CFAP299: variants seen among roughly 807,000 people sequenced by gnomAD.
The protein encoded by CFAP299 is cilia and flagella associated protein 299.
A neutral mutation model predicts 27.0 loss-of-function variants in CFAP299; 21 were observed. The ratio of observed to expected loss-of-function variants is 0.78; its 90% CI spans 0.55 to 1.12. The LOEUF is 1.12. Ranked by LOEUF, CFAP299 falls within the 50% of genes most tolerant of loss-of-function variation. The pLI, the probability that CFAP299 is intolerant of heterozygous loss-of-function variation, is 0.00. For synonymous variants in CFAP299, 104 were observed against 98.1 expected (o/e 1.06, Z -0.36); for missense variants, 310 against 276.6 (o/e 1.12, Z -0.86).
intron 3 of CFAP299, among the ~76,000 whole-genome samples, chr4:80,720,828 T>C (rs1232913683): frequency 6.6e-6 from 1 of 152,136 alleles, no homozygotes; most frequent in African/African-American, 2.4e-5. Context: ...GTAGAATTAA[T>C]GGTTCATGAT....
intron 4 of CFAP299, among the ~76,000 whole-genome samples, chr4:80,886,878 T>C (rs1313395026): frequency 6.6e-6 from 1 of 151,852 alleles, no homozygotes; most frequent in Non-Finnish European, 1.5e-5. Context: ...AACAAAGAGA[T>C]TGAAATAATT....
At chr4:80,696,211 G>T (rs1721079580) in intron 3 of CFAP299, among the ~76,000 whole-genome samples, 1 of 150,880 alleles carries the variant, frequency 6.6e-6, no homozygotes, top group South Asian at 2.1e-4. Context: ...TGAGGCAGGA[G>T]AATTGCTTGA....
At chr4:80,704,513 T>G (rs1578040386) in intron 3 of CFAP299, among the ~76,000 whole-genome samples, 1 of 151,746 alleles carries the variant, frequency 6.6e-6, no homozygotes, top group African/African-American at 2.4e-5. Flanking sequence ...ATTTAAGAAA[T>G]CTCATATTTT....
rs1014187932 is a variant in CFAP299 at position 80,775,782 on chromosome 4, T to C, written c.334-94211T>C. ...CATGTTTGTCTGGGATGCAAATTCA[T>C]AAACAAAATGGTTGTAAGAAGTGAG... On this transcript the variant is annotated intron_variant, in intron 3 of 5. Coordinates refer to ENST00000358105, the MANE Select transcript of CFAP299 (RefSeq NM_152770.3). Among the ~76,000 whole-genome samples, 15 of 152,270 alleles carry C rather than the reference T, an allele frequency of 9.9e-5. No individual in the cohort carries two copies. The Middle Eastern group carries it at 0.031, about 311-fold the overall frequency.
At chr4:80,919,103 A>C (rs1735909835) in intron 4 of CFAP299, among the ~76,000 whole-genome samples, 1 of 152,112 alleles carries the variant, frequency 6.6e-6, no homozygotes, top group Admixed American at 6.6e-5. Flanking sequence ...TTTGGCACTG[A>C]ACCCACAACC....
intron 3 of CFAP299, among the ~76,000 whole-genome samples, chr4:80,645,158 AT>A: frequency 6.6e-6 from 1 of 152,158 alleles, no homozygotes; most frequent in Admixed American, 6.5e-5. Context: ...GTATTTTCCA[AT>A]GTTTACCCTC....
intron 3 of CFAP299, among the ~76,000 whole-genome samples, chr4:80,767,048 G>T (rs1038218810): frequency 3.3e-5 from 5 of 152,162 alleles, no homozygotes; most frequent in African/African-American, 1.2e-4. Context: ...CTCAGTGAAT[G>T]CCTGAAGCAG....
Position 80,936,951 on chromosome 4 carries a change from A to G in CFAP299, c.477-7859A>G, listed in dbSNP as rs146926719. On this transcript the variant is annotated intron_variant, in intron 4 of 5. Coordinates refer to ENST00000358105, the MANE Select transcript of CFAP299 (RefSeq NM_152770.3). Reference sequence around the variant, plus strand: ...ATGTTCTACATCTATAATGTCCTTTATCTGTTAGGTCCCTTTGTACTATAG... The same window carrying G: ...ATGTTCTACATCTATAATGTCCTTTGTCTGTTAGGTCCCTTTGTACTATAG... 2.0e-5 allele frequency among the ~76,000 whole-genome samples: 3 copies of G among 152,046 alleles called. No individual in the cohort carries two copies. The East Asian group carries it at 5.8e-4, about 29-fold the overall frequency.
intron 4 of CFAP299, among the ~76,000 whole-genome samples, chr4:80,892,467 C>T (rs946427464): frequency 1.3e-5 from 2 of 152,068 alleles, no homozygotes. Flanking sequence ...TTGAGTAATA[C>T]CCCACAAGCA....
chr4:80,831,647 T>G (rs571143243), intron 3 of CFAP299, among the ~76,000 whole-genome samples: 1 of 152,272 alleles, frequency 6.6e-6, no homozygotes, highest in East Asian at 1.9e-4. Context: ...AACTCTCAAG[T>G]GAGTTACATA....
chr4:80,659,742 C>G (rs1309984751), intron 3 of CFAP299, among the ~76,000 whole-genome samples: 2 of 151,988 alleles, frequency 1.3e-5, no homozygotes, highest in Admixed American at 1.3e-4. Flanking sequence ...TCTATACACT[C>G]TTTTGTGTTT....
intron 3 of CFAP299, among the ~76,000 whole-genome samples, chr4:80,650,396 C>T (rs1483999099): frequency 6.6e-6 from 1 of 151,884 alleles, no homozygotes; most frequent in Non-Finnish European, 1.5e-5. Context: ...CATCATTTTT[C>T]TTCAGTTCTT....
intron 2 of CFAP299, among the ~76,000 whole-genome samples, chr4:80,493,524 A>T (rs1455674239): frequency 6.6e-6 from 1 of 152,162 alleles, no homozygotes; most frequent in Non-Finnish European, 1.5e-5. Flanking sequence ...AATGAGTTAG[A>T]GTAGAGCAGG....
intron 3 of CFAP299, among the ~76,000 whole-genome samples, chr4:80,857,617 CGTT>C (rs1732000757): frequency 6.6e-6 from 1 of 152,006 alleles, no homozygotes; most frequent in African/African-American, 2.4e-5. Flanking sequence ...TAGCATGAAG[CGTT>C]GTTGAATTTT....
chr4:80,689,111 G>A (rs371696586), intron 3 of CFAP299, among the ~76,000 whole-genome samples: 3,238 of 152,108 alleles, frequency 0.021, 79 homozygotes, highest in South Asian at 0.061. Context: ...AAGTTGGAAA[G>A]CACTCTGCAG....
intron 3 of CFAP299, among the ~76,000 whole-genome samples, chr4:80,589,135 A>G (rs952954645): frequency 6.6e-6 from 1 of 152,210 alleles, no homozygotes. Flanking sequence ...AGTAGCTTGT[A>G]TTGCATGACC....
chr4:80,956,562 C>T (rs1738079243), intron 5 of CFAP299, among the ~76,000 whole-genome samples: 1 of 152,104 alleles, frequency 6.6e-6, no homozygotes. Context: ...CGGCACATTT[C>T]CCCTCTCTAG....
chr4:80,650,267 A>T (rs1194474289), intron 3 of CFAP299, among the ~76,000 whole-genome samples: 1 of 152,094 alleles, frequency 6.6e-6, no homozygotes, highest in African/African-American at 2.4e-5. Context: ...AAAAACATCA[A>T]TTAAAAATAT....
intron 3 of CFAP299, among the ~76,000 whole-genome samples, chr4:80,583,717 G>A (rs761389811): frequency 2.2e-4 from 34 of 151,830 alleles, no homozygotes; most frequent in Non-Finnish European, 3.7e-4. Context: ...TAGAGAATGC[G>A]AATATTATTT....
Sources: allele counts gnomAD v4.1 joint callset (sites outside exome capture counted in the v4.1 genomes callset), GRCh38; gene constraint gnomAD v4.1.1; transcripts MANE v1.5; gene names NCBI Gene and HGNC (gene_info 2026-07-23, HGNC 2026-07-21).